The following CSMD2 variants were observed in gnomAD, a reference collection of about 807,000 sequenced individuals.
CSMD2 encodes CUB and sushi domain-containing protein 2.
Under a neutral mutation model 398.5 loss-of-function variants are expected in CSMD2, and 130 were observed. That is an observed-to-expected ratio of 0.33 (90% CI 0.28 to 0.38). CSMD2 has a LOEUF of 0.38. Ranked by LOEUF, CSMD2 falls within the 10% of genes least tolerant of loss-of-function variation. CSMD2 has a pLI of 1.00. For missense variants in CSMD2, 3,829 were observed against 4,764.9 expected, an observed-to-expected ratio of 0.80 and a Z score of 5.78; for synonymous variants, 1,828 against 1,908.5, an observed-to-expected ratio of 0.96 and a Z score of 1.10.
At chr1:33,911,270 A>T (rs541683721) in intron 5 of CSMD2, among the ~76,000 whole-genome samples, 1 of 152,376 alleles carries the variant, frequency 6.6e-6, no homozygotes, top group South Asian at 2.1e-4. Flanking sequence ...TTGATAAAGC[A>T]TATGTGAATA....
chr1:34,081,955 G>A (rs951386684), intron 2 of CSMD2, among the ~76,000 whole-genome samples: 17 of 151,580 alleles, frequency 1.1e-4, no homozygotes, highest in Non-Finnish European at 2.2e-4. Context: ...AGGAAGTGAG[G>A]AGCGTCTCTA....
intron 7 of CSMD2, among the ~76,000 whole-genome samples, chr1:33,825,150 A>G (rs536717270): frequency 5.6e-4 from 44 of 78,848 alleles, no homozygotes; most frequent in African/African-American, 4.0e-3. Flanking sequence ...GCCCAAGAAG[A>G]GAGCCCCCAG....
chr1:33,879,824 G>A lies in CSMD2; in HGVS notation c.921-32828C>T, dbSNP rs138283396. Among the ~76,000 whole-genome samples the A allele has an allele frequency of 1.1e-4, 17 of 152,240 alleles. No individual in the cohort carries two copies. In the East Asian group the frequency reaches 3.3e-3, roughly 29 times the overall value. ...AAAGGGTGAATTAAAACCTACTCAA[G>A]GTGACAGGTGTAGAGCAAATGAGAG... is the stretch of plus-strand genomic sequence containing the variant. On this transcript the variant is annotated intron_variant, in intron 5 of 70. Transcript: ENST00000373381.
chr1:33,740,664 G>A (rs189864012), intron 14 of CSMD2, among the ~76,000 whole-genome samples: 50 of 152,190 alleles, frequency 3.3e-4, no homozygotes, highest in Middle Eastern at 3.4e-3. Context: ...ACCTTTCTTC[G>A]TTGGAAACTA....
chr1:33,970,307 G>A (rs1275159921), intron 3 of CSMD2, among the ~76,000 whole-genome samples: 1 of 152,148 alleles, frequency 6.6e-6, no homozygotes, highest in Non-Finnish European at 1.5e-5. Context: ...CAGGCCCCAT[G>A]TGGTGATGGT....
At position 33,624,162 on chromosome 1, in the gene CSMD2, A is replaced by G. The variant is rs1038450663; in HGVS notation, c.5625+357T>C. 2.6e-5 allele frequency among the ~76,000 whole-genome samples: 4 copies of G among 152,126 alleles called. No homozygotes were observed. Among genetic ancestry groups the G allele is most frequent in the Non-Finnish European group, 4.4e-5 (3 of 68,018 alleles). On this transcript the variant is annotated intron_variant, in intron 35 of 70. Coordinates refer to ENST00000373381, the MANE Select transcript of CSMD2 (RefSeq NM_001281956.2). This position sits in a 1 kb window ranked among gnomAD's most constrained non-coding sequence, Gnocchi z 4.7. ...TTTAGCCATTTGAGGAACAACTTCTATGAATCCTTCCCACACTTCAGATTC... is the reference window on the plus strand; with the variant it reads ...TTTAGCCATTTGAGGAACAACTTCTGTGAATCCTTCCCACACTTCAGATTC...
rs1210063237 is a variant in CSMD2, at chr1:33,559,115, GA to G, written c.8554+184del. Among the ~76,000 whole-genome samples the G allele has an allele frequency of 6.6e-6, 1 of 152,220 alleles. No individual in the cohort carries two copies. The highest frequency in any genetic ancestry group is 2.4e-5 in the African/African-American group (1 of 41,446). On this transcript the variant is annotated intron_variant, in intron 54 of 70. Transcript: ENST00000373381. This position sits in a 1 kb window ranked among gnomAD's most constrained non-coding sequence, Gnocchi z 4.0. Reference sequence around the variant, plus strand: ...CTTTCCTTATATAACCCATGATGATGAAATTTTATGTGGCTCTTTATCTAAG... The same window carrying G: ...CTTTCCTTATATAACCCATGATGATGAATTTTATGTGGCTCTTTATCTAAG...
In CSMD2 at chr1:33,635,318, C is replaced by G; in HGVS notation, c.4982G>C (p.Gly1661Ala). The G allele has an allele frequency of 6.2e-7, 1 of 1,608,392 alleles. No individual in the cohort carries two copies. The highest frequency in any genetic ancestry group is 8.5e-7 in the Non-Finnish European group (1 of 1,175,150). ...CACTCCGTCCGAACCCACATACTGT[C>G]CCCCACAGGGGGCTGAAAGAGAAAC... ...PRPVCTAPCG[G>A]QYVGSDGVVL... The change falls in exon 31 of 71, where the codon GGA (glycine) becomes GCA (alanine). Residue 1661 changes from glycine to alanine, a missense_variant. Physicochemically the swap from Gly to Ala is moderately conservative, Grantham distance 60. Transcript: ENST00000373381. The surrounding 1 kb of genome is among the most constrained non-coding windows in gnomAD (Gnocchi z 5.0).
intron 1 of CSMD2, among the ~76,000 whole-genome samples, chr1:34,150,870 T>C (rs539079991): frequency 3.5e-4 from 54 of 152,208 alleles, no homozygotes; most frequent in African/African-American, 1.2e-3. Context: ...CATTGAGACA[T>C]GATCATACCA....
chr1:33,591,544 A>T (rs1371073706), intron 44 of CSMD2, among the ~76,000 whole-genome samples: 1 of 152,168 alleles, frequency 6.6e-6, no homozygotes, highest in African/African-American at 2.4e-5. Context: ...AGTTTTTAAA[A>T]TCACCTGCTT....
Position 33,622,191 on chromosome 1 carries a change from C to T in CSMD2, c.5803G>A (p.Ala1935Thr). The T allele has an allele frequency of 6.2e-7, 1 of 1,613,898 alleles. No individual in the cohort carries two copies. The highest frequency in any genetic ancestry group is 8.5e-7 in the Non-Finnish European group (1 of 1,179,756). ...CTTTTGTACTCCAAGTGGAAGCCAG[C>T]TGCAGATACGCTGATATCTGAGTAG... ...HFYSDISVSA[A>T]GFHLEYKTVG... The change falls in exon 37 of 71, where the codon GCT (alanine) becomes ACT (threonine). Residue 1935 changes from alanine to threonine, a missense_variant. By Grantham distance (58) the Ala-to-Thr change is moderately conservative. Coordinates refer to ENST00000373381, the MANE Select transcript of CSMD2 (RefSeq NM_001281956.2).
At chr1:33,956,917 C>T (rs1645189275) in intron 3 of CSMD2, among the ~76,000 whole-genome samples, 1 of 152,098 alleles carries the variant, frequency 6.6e-6, no homozygotes, top group Non-Finnish European at 1.5e-5. Flanking sequence ...CTGTCCTGGA[C>T]CTGCAGAGTC....
chr1:34,005,052 C>T (rs1243447199), intron 3 of CSMD2, among the ~76,000 whole-genome samples: 1 of 152,194 alleles, frequency 6.6e-6, no homozygotes. Context: ...ATCAGTGGCT[C>T]TTCATGCTGA....
chr1:33,873,945 A>C (rs1043771495), intron 5 of CSMD2: 1 of 152,108 alleles, frequency 6.6e-6, no homozygotes, highest in South Asian at 2.1e-4. Context: ...CATCTCTCCT[A>C]CCTTTTAGGT....
intron 2 of CSMD2, among the ~76,000 whole-genome samples, chr1:34,059,582 G>A (rs989836676): frequency 6.6e-6 from 1 of 152,116 alleles, no homozygotes; most frequent in African/African-American, 2.4e-5. Context: ...TGTGTATTTT[G>A]TTCCCCCACT....
At chr1:33,876,926 T>C (rs983797639) in intron 5 of CSMD2, among the ~76,000 whole-genome samples, 33 of 152,216 alleles carry the variant, frequency 2.2e-4, no homozygotes, top group African/African-American at 8.0e-4. Context: ...TGACAGATAA[T>C]ATAGATTCAG....
intron 3 of CSMD2, among the ~76,000 whole-genome samples, chr1:34,000,331 T>A (rs1182646333): frequency 6.6e-6 from 1 of 152,074 alleles, no homozygotes; most frequent in Non-Finnish European, 1.5e-5. Flanking sequence ...AGAGACCATG[T>A]GCCTTTTCAC....
intron 10 of CSMD2, chr1:33,805,025 C>T (rs1252817450): frequency 1.3e-5 from 8 of 622,342 alleles, no homozygotes; most frequent in Non-Finnish European, 2.0e-5. Flanking sequence ...TGCAGAGGTG[C>T]TATCTTTAGA....
At chr1:33,919,181 C>G (rs1415050996) in intron 4 of CSMD2, among the ~76,000 whole-genome samples, 2 of 152,162 alleles carry the variant, frequency 1.3e-5, no homozygotes, top group Non-Finnish European at 1.5e-5. Context: ...ATTTAGGAAG[C>G]AGAATCTCCA....
Sources: allele counts gnomAD v4.1 joint callset (sites outside exome capture counted in the v4.1 genomes callset), GRCh38; gene constraint gnomAD v4.1.1; non-coding constraint Gnocchi (gnomAD v3.1); transcripts MANE v1.5; gene names NCBI Gene and HGNC (gene_info 2026-07-23, HGNC 2026-07-21).